CDC42BPB: variants seen among roughly 807,000 people sequenced by gnomAD.
The protein encoded by CDC42BPB is serine/threonine-protein kinase MRCK beta.
Under a neutral mutation model 214.9 loss-of-function variants are expected in CDC42BPB, and 37 were observed. The observed-to-expected ratio is 0.17, with a 90% CI of 0.13 to 0.23. CDC42BPB has a LOEUF of 0.23. CDC42BPB is among the 10% of genes least tolerant of loss of function. The probability of loss-of-function intolerance (pLI) is 1.00; values close to 1 mark genes in which losing one functional copy is unlikely to be tolerated. For missense variants in CDC42BPB, 1,694 were observed against 2,227.0 expected, an observed-to-expected ratio of 0.76 and a Z score of 4.82; for synonymous variants, 931 against 884.0, an observed-to-expected ratio of 1.05 and a Z score of -0.94.
chr14:102,938,267 A>G, intron 35 of CDC42BPB, 39 bp downstream of exon 35: 1 of 1,593,998 alleles, frequency 6.3e-7, no homozygotes, highest in South Asian at 1.1e-5. Flanking sequence ...CCTACCCCCC[A>G]CCTCCCCCAG....
intron 1 of CDC42BPB, among the ~76,000 whole-genome samples, chr14:103,042,815 C>A (rs1489103609): frequency 1.3e-5 from 2 of 152,152 alleles, no homozygotes; most frequent in East Asian, 1.9e-4. Context: ...GAAACTGGAA[C>A]CCTTGTGGGC....
At chr14:102,967,223 A>G in intron 16 of CDC42BPB, 53 bp from the exon 17 acceptor site, 2 of 1,571,224 alleles carry the variant, frequency 1.3e-6, no homozygotes, top group Non-Finnish European at 1.7e-6. Flanking sequence ...TCCTTTAAGT[A>G]TGCTGGATTT....
chr14:102,950,422 C>A, intron 25 of CDC42BPB, 44 bp downstream of exon 25: 1 of 1,607,756 alleles, frequency 6.2e-7, no homozygotes, highest in Admixed American at 1.7e-5. Context: ...GGTCACTGCA[C>A]CTCACAGGCA....
chr14:102,971,327 G>C (rs537647457), intron 13 of CDC42BPB, among the ~76,000 whole-genome samples: 2 of 152,238 alleles, frequency 1.3e-5, no homozygotes, highest in Non-Finnish European at 2.9e-5. Context: ...GTATTAACAA[G>C]ATTTTGTTTT....
intron 20 of CDC42BPB, among the ~76,000 whole-genome samples, chr14:102,961,950 G>A (rs941042451): frequency 6.6e-5 from 10 of 152,160 alleles, no homozygotes; most frequent in Non-Finnish European, 1.2e-4. Flanking sequence ...TCCCCAAAAT[G>A]CAAAAGGCTT....
chr14:103,005,086 T>C (rs1203998447), intron 3 of CDC42BPB, among the ~76,000 whole-genome samples: 1 of 150,814 alleles, frequency 6.6e-6, no homozygotes, highest in East Asian at 2.0e-4. Context: ...GAGAATGGCA[T>C]GAACCCAGGA....
chr14:103,046,049 C>T (rs1158112753), intron 1 of CDC42BPB, among the ~76,000 whole-genome samples: 1 of 152,122 alleles, frequency 6.6e-6, no homozygotes, highest in Non-Finnish European at 1.5e-5. Flanking sequence ...GCAGCAGGGG[C>T]AACGAGGCTG....
chr14:102,939,439 C>T (rs1049084745), intron 34 of CDC42BPB, among the ~76,000 whole-genome samples, 171 bp downstream of exon 34: 1 of 152,356 alleles, frequency 6.6e-6, no homozygotes, highest in African/African-American at 2.4e-5. Flanking sequence ...AGGGTAAGTG[C>T]TCGTGAACAG....
intron 34 of CDC42BPB, among the ~76,000 whole-genome samples, chr14:102,939,274 GCTAT>G (rs1194260401): frequency 6.6e-6 from 1 of 152,230 alleles, no homozygotes; most frequent in Non-Finnish European, 1.5e-5. Context: ...GAGAAAGTAT[GCTAT>G]CTGTTGGTAC....
At chr14:103,028,308 A>G (rs1195447981) in intron 1 of CDC42BPB, among the ~76,000 whole-genome samples, 1 of 152,206 alleles carries the variant, frequency 6.6e-6, no homozygotes, top group East Asian at 1.9e-4. Context: ...GAAGCAAGAC[A>G]TTGTGGCTAC....
chr14:102,974,281 TACACACACACACACACACACAC>T (rs71119749), intron 11 of CDC42BPB, 132 bp from the exon 12 acceptor site: 64 of 1,316,052 alleles, frequency 4.9e-5, no homozygotes, highest in Admixed American at 2.5e-4. Context: ...TTTTTTTACT[TACACACACACACACACACACAC>T]ACACACACAC....
At chr14:102,983,356 T>C (rs1271905803) in intron 7 of CDC42BPB, among the ~76,000 whole-genome samples, 200 bp downstream of exon 7, 1 of 151,812 alleles carries the variant, frequency 6.6e-6, no homozygotes, top group African/African-American at 2.4e-5. Flanking sequence ...GGCGCCCACA[T>C]CTCCTGGTGC....
intron 1 of CDC42BPB, among the ~76,000 whole-genome samples, chr14:103,024,927 A>G (rs1269088428): frequency 1.3e-5 from 2 of 152,246 alleles, no homozygotes; most frequent in East Asian, 1.9e-4. Context: ...TACTCCCCAC[A>G]TAAGACTTTT....
intron 12 of CDC42BPB, chr14:102,972,414 C>T (rs1382043146): frequency 1.3e-6 from 1 of 791,396 alleles, no homozygotes; most frequent in African/African-American, 1.9e-5. Flanking sequence ...AGGCCGGGCA[C>T]AGTGGCTCAC....
At chr14:102,953,366 T>C (rs922271004) in intron 23 of CDC42BPB, among the ~76,000 whole-genome samples, 1 of 152,236 alleles carries the variant, frequency 6.6e-6, no homozygotes, top group South Asian at 2.1e-4. Flanking sequence ...ACCAGCACTC[T>C]GCAGAGTTGC....
rs975981964 is a variant in CDC42BPB, at chr14:102,968,158, T to A, written c.2346+95A>T. ...GACATTCTACTCCCCCATAAATATA[T>A]ATACCTACTATGTACCCACACAAAT... On this transcript the variant is annotated intron_variant, in intron 16 of 36. Transcript: ENST00000361246. 3.8e-6 allele frequency: 3 copies of A among 794,274 alleles called. No individual in the cohort carries two copies. The African/African-American group carries it at 5.2e-5, about 14-fold the overall frequency. The allele number at this position is 794,274 out of a possible 1,614,324, so 49.2% of individuals were successfully genotyped here. A position where few individuals can be genotyped will look rare whatever the true frequency, so the allele number is the denominator to read the frequency against.
At chr14:102,983,418 C>T in intron 7 of CDC42BPB, 138 bp downstream of exon 7, 1 of 1,317,492 alleles carries the variant, frequency 7.6e-7, no homozygotes, top group Non-Finnish European at 1.0e-6. Context: ...CTGCCTGTCC[C>T]CAGTTTGGTC....
intron 11 of CDC42BPB, 105 bp downstream of exon 11, chr14:102,975,579 G>GC: frequency 8.2e-7 from 1 of 1,220,022 alleles, no homozygotes; most frequent in Non-Finnish European, 1.2e-6. Flanking sequence ...TAAAGCCTAA[G>GC]CTTTTTTTCT....
At chr14:102,950,075 G>A (rs1466384451) in intron 25 of CDC42BPB, 171 bp from the exon 26 acceptor site, 7 of 985,366 alleles carry the variant, frequency 7.1e-6, no homozygotes, top group African/African-American at 3.5e-5. Context: ...GGGTCCATGC[G>A]TGGCAGCAGA....
Sources: allele counts gnomAD v4.1 joint callset (sites outside exome capture counted in the v4.1 genomes callset), GRCh38; gene constraint gnomAD v4.1.1; transcripts MANE v1.5; gene names NCBI Gene and HGNC (gene_info 2026-07-23, HGNC 2026-07-21).